The following GNB1 variants were observed in gnomAD, a reference collection of about 807,000 sequenced individuals.
The protein encoded by GNB1 is G protein subunit beta 1, also known as guanine nucleotide-binding protein G(I)/G(S)/G(T) subunit beta-1.
In GNB1, 2 loss-of-function variants were observed where a neutral mutation model predicts 42.9. The ratio of observed to expected loss-of-function variants is 0.05; its 90% CI spans 0.02 to 0.15. The LOEUF is 0.15. Among genes scored for constraint, GNB1 ranks in the 10% least tolerant of loss-of-function variants. The pLI, the probability that GNB1 is intolerant of heterozygous loss-of-function variation, is 1.00. For synonymous variants in GNB1, 183 were observed against 174.7 expected (o/e 1.05, Z -0.38); for missense variants, 193 against 462.2 (o/e 0.42, Z 5.34).
rs1305859394 is a variant in GNB1 at position 1,841,384 on chromosome 1, T to G, written c.-95-2146A>C. ...TAGTAGAGATGGGGTTTCACTATGT[T>G]GGCCAGGCTGGTCTCAAACTCCTGA... On this transcript the variant is annotated intron_variant, in intron 1 of 11. Coordinates refer to ENST00000378609, the MANE Select transcript of GNB1 (RefSeq NM_002074.5). 2.0e-5 allele frequency among the ~76,000 whole-genome samples: 3 copies of G among 152,176 alleles called. No individual in the cohort carries two copies. In the East Asian group the frequency reaches 5.8e-4, roughly 29 times the overall value.
chr1:1,849,002 A>T (rs1430926160), intron 1 of GNB1, among the ~76,000 whole-genome samples: 1 of 152,246 alleles, frequency 6.6e-6, no homozygotes, highest in East Asian at 1.9e-4. Flanking sequence ...GACTCAAGAT[A>T]GAGGCTGGTC....
Position 1,819,076 on chromosome 1 carries a change from G to T in GNB1, c.58-1201C>A, listed in dbSNP as rs997492343. 3.9e-5 allele frequency among the ~76,000 whole-genome samples: 6 copies of T among 151,980 alleles called. No individual in the cohort carries two copies. The South Asian group carries it at 1.2e-3, about 32-fold the overall frequency. On this transcript the variant is annotated intron_variant, in intron 3 of 11. Coordinates refer to ENST00000378609, the MANE Select transcript of GNB1 (RefSeq NM_002074.5). ...TAACTCAAGTGTCTTCATTACTAAG[G>T]GATCAAAGTTACTAGAAAATAGACC...
rs556554846 is a variant in GNB1 at position 1,868,412 on chromosome 1, G to C, written c.-96+22408C>G. 7.8e-4 allele frequency among the ~76,000 whole-genome samples: 118 copies of C among 152,096 alleles called. 1 individual carries two copies. The South Asian group carries it at 0.024, about 30-fold the overall frequency. On this transcript the variant is annotated intron_variant, in intron 1 of 11. Transcript: ENST00000378609. ...GGCTGGTCTCAAACTCCTGGCAATT[G>C]ACCTGCCTCAGCCTCCCAAAGCGCT... is the stretch of plus-strand genomic sequence containing the variant.
At chr1:1,850,071 T>C (rs559220964) in intron 1 of GNB1, among the ~76,000 whole-genome samples, 4 of 151,382 alleles carry the variant, frequency 2.6e-5, no homozygotes, top group South Asian at 2.1e-4. Flanking sequence ...CAGGTTCAAG[T>C]GATTGTCCTG....
At chr1:1,858,991 A>C (rs773678335) in intron 1 of GNB1, among the ~76,000 whole-genome samples, 3 of 151,982 alleles carry the variant, frequency 2.0e-5, no homozygotes, top group Non-Finnish European at 4.4e-5. Flanking sequence ...TAAAAATAAA[A>C]TACAGTTTCC....
intron 1 of GNB1, chr1:1,839,718 G>A (rs1371518344): frequency 6.6e-6 from 1 of 151,980 alleles, no homozygotes; most frequent in East Asian, 1.9e-4. Context: ...GCCAGGCATG[G>A]TGTCACAAGC....
At chr1:1,816,644 CTTTTTT>C (rs59065707) in intron 4 of GNB1, among the ~76,000 whole-genome samples, 1 of 108,638 alleles carries the variant, frequency 9.2e-6, no homozygotes, top group Non-Finnish European at 1.9e-5. Context: ...TTTTTATTAT[CTTTTTT>C]TTTTTTTTTT....
chr1:1,798,597 CGA>C (rs955866285), intron 7 of GNB1, among the ~76,000 whole-genome samples: 2 of 152,190 alleles, frequency 1.3e-5, no homozygotes, highest in African/African-American at 4.8e-5. Flanking sequence ...CTCCACTGCC[CGA>C]GAGGTATGCA....
rs76838996 is a variant in GNB1 at position 1,795,388 on chromosome 1, A to G, written c.431-2077T>C. ...TGAATGTGAGCACAGAAGGGCAGGA[A>G]AGAAGAGTCATGGAGACCTCAGCAC... On this transcript the variant is annotated intron_variant, in intron 7 of 11. Transcript: ENST00000378609. Among the ~76,000 whole-genome samples, 1,250 of 152,248 alleles carry G rather than the reference A, an allele frequency of 8.2e-3. 20 individuals carry two copies. The highest frequency in any genetic ancestry group is 0.029 in the African/African-American group (1,213 of 41,538).
intron 1 of GNB1, among the ~76,000 whole-genome samples, chr1:1,841,768 A>T (rs1421238227): frequency 6.6e-6 from 1 of 152,234 alleles, no homozygotes; most frequent in African/African-American, 2.4e-5. Context: ...AGTAAAAATG[A>T]GTGTGGAAGG....
At chr1:1,890,305 A>C (rs1374931487) in intron 1 of GNB1, 2 of 146,584 alleles carry the variant, frequency 1.4e-5, no homozygotes, top group African/African-American at 5.1e-5. Context: ...CGGCTTCCCC[A>C]TTTCATTGTT....
intron 1 of GNB1, among the ~76,000 whole-genome samples, chr1:1,876,856 C>T (rs1649572632): frequency 6.6e-6 from 1 of 152,140 alleles, no homozygotes; most frequent in African/African-American, 2.4e-5. Flanking sequence ...TTGCTCCAGA[C>T]CTCAAATCTG....
intron 7 of GNB1, among the ~76,000 whole-genome samples, chr1:1,796,107 C>G (rs1646542872): frequency 6.6e-6 from 1 of 152,214 alleles, no homozygotes; most frequent in Non-Finnish European, 1.5e-5. Flanking sequence ...CAATAATTTA[C>G]ATGAGATGTT....
At chr1:1,862,693 C>G (rs1648700867) in intron 1 of GNB1, among the ~76,000 whole-genome samples, 1 of 152,074 alleles carries the variant, frequency 6.6e-6, no homozygotes, top group African/African-American at 2.4e-5. Flanking sequence ...CTCCTGGGCT[C>G]AAGCAATCGG....
At chr1:1,806,426 CCT>C (rs771178392) in intron 6 of GNB1, 47 bp downstream of exon 6, 27 of 1,106,604 alleles carry the variant, frequency 2.4e-5, no homozygotes, top group Non-Finnish European at 1.4e-5. Flanking sequence ...AGCTTAAAAC[CCT>C]GTTTCCTGGG....
intron 2 of GNB1, among the ~76,000 whole-genome samples, chr1:1,838,725 T>G (rs1183138547): frequency 6.6e-6 from 1 of 151,686 alleles, no homozygotes; most frequent in Non-Finnish European, 1.5e-5. Context: ...ATTACAGGCA[T>G]CAGCCACCGC....
intron 1 of GNB1, among the ~76,000 whole-genome samples, chr1:1,877,129 C>T (rs1415705629): frequency 2.0e-5 from 3 of 151,682 alleles, no homozygotes; most frequent in Non-Finnish European, 2.9e-5. Context: ...GGTGAAACCC[C>T]GTCTCTACTA....
chr1:1,829,705 A>C (rs1425034770), intron 2 of GNB1, among the ~76,000 whole-genome samples: 1 of 152,100 alleles, frequency 6.6e-6, no homozygotes, highest in Non-Finnish European at 1.5e-5. Context: ...TGTGTGTACA[A>C]GAAGGACAAA....
chr1:1,887,794 T>A (rs977596711), intron 1 of GNB1, among the ~76,000 whole-genome samples: 1 of 152,230 alleles, frequency 6.6e-6, no homozygotes, highest in Admixed American at 6.5e-5. Context: ...TTAATATTTT[T>A]AGTAGATACG....
Sources: gnomAD v4.1 joint callset for allele counts (sites outside exome capture counted in the v4.1 genomes callset) on GRCh38, gnomAD v4.1.1 for gene constraint, MANE v1.5 for transcripts, NCBI Gene and HGNC (gene_info 2026-07-23, HGNC 2026-07-21) for gene names.